Variants in AKR1C8 observed in about 807,000 individuals in gnomAD.
The protein encoded by AKR1C8 is aldo-keto reductase family 1 member C8.
the AKR1C8 span, among the ~76,000 whole-genome samples, chr10:5,177,107 T>G: frequency 3.9e-5 from 6 of 152,206 alleles, no homozygotes; most frequent in Non-Finnish European, 5.9e-5. Context: ...TGATATTAGC[T>G]GTGGGTTTGT....
chr10:5,160,443 C>T, the AKR1C8 span, among the ~76,000 whole-genome samples: 28 of 152,118 alleles, frequency 1.8e-4, no homozygotes, highest in African/African-American at 6.8e-4. Context: ...TGTCCTGCAC[C>T]TTCCACCCTC....
chr10:5,117,959 T>A, the AKR1C8 span, among the ~76,000 whole-genome samples: 1 of 152,238 alleles, frequency 6.6e-6, no homozygotes, highest in East Asian at 1.9e-4. Flanking sequence ...GAGGGTCAAA[T>A]ATGCCAACCA....
the AKR1C8 span, among the ~76,000 whole-genome samples, chr10:5,140,181 G>A: frequency 7.2e-5 from 11 of 152,076 alleles, no homozygotes; most frequent in Admixed American, 2.0e-4. Context: ...AAATAGGAAT[G>A]TTTTTACACT....
chr10:5,165,047 G>T, the AKR1C8 span, among the ~76,000 whole-genome samples: 1 of 152,216 alleles, frequency 6.6e-6, no homozygotes, highest in East Asian at 1.9e-4. Flanking sequence ...CTGATTTTGT[G>T]ATTCCCTAGA....
At chr10:5,161,273 T>G in the AKR1C8 span, among the ~76,000 whole-genome samples, 3 of 152,182 alleles carry the variant, frequency 2.0e-5, no homozygotes, top group Non-Finnish European at 2.9e-5. Flanking sequence ...GTGCTTAATA[T>G]AGCTATTCAT....
chr10:5,175,897 G>A, the AKR1C8 span, among the ~76,000 whole-genome samples: 2 of 152,026 alleles, frequency 1.3e-5, no homozygotes, highest in African/African-American at 4.8e-5. Context: ...AGATGAGTAG[G>A]TTGCGAAAAT....
At chr10:5,136,300 C>A in the AKR1C8 span, among the ~76,000 whole-genome samples, 2 of 152,176 alleles carry the variant, frequency 1.3e-5, no homozygotes, top group South Asian at 2.1e-4. Flanking sequence ...GTAATCCCAG[C>A]ACTTTGGGAG....
chr10:5,163,087 T>C, the AKR1C8 span: 1 of 460,340 alleles, frequency 2.2e-6, no homozygotes, highest in South Asian at 1.7e-5. Flanking sequence ...TTTCCCCCAA[T>C]AGCATTTTCA....
chr10:5,183,128 TAACC>T, the AKR1C8 span, among the ~76,000 whole-genome samples: 4 of 152,182 alleles, frequency 2.6e-5, no homozygotes, highest in African/African-American at 9.7e-5. Context: ...CATTTTAGAC[TAACC>T]CTACTTATTC....
the AKR1C8 span, among the ~76,000 whole-genome samples, chr10:5,119,517 CATT>C: frequency 6.6e-6 from 1 of 152,146 alleles, no homozygotes; most frequent in Non-Finnish European, 1.5e-5. Flanking sequence ...ATGAATTACA[CATT>C]ATTTTTGTTC....
the AKR1C8 span, among the ~76,000 whole-genome samples, chr10:5,173,458 G>T: frequency 6.6e-6 from 1 of 151,922 alleles, no homozygotes; most frequent in Admixed American, 6.6e-5. Flanking sequence ...GAACCAAAGG[G>T]GGCAGAGGCT....
chr10:5,170,829 T>C, the AKR1C8 span, among the ~76,000 whole-genome samples: 23 of 152,166 alleles, frequency 1.5e-4, no homozygotes, highest in Admixed American at 1.2e-3. Flanking sequence ...CAGATTCTTA[T>C]TGCACTTATG....
At chr10:5,140,347 CAT>C in the AKR1C8 span, among the ~76,000 whole-genome samples, 2 of 152,094 alleles carry the variant, frequency 1.3e-5, no homozygotes, top group Non-Finnish European at 2.9e-5. Context: ...CACATGCACA[CAT>C]ATGTTTACTG....
the AKR1C8 span, among the ~76,000 whole-genome samples, chr10:5,120,381 A>T: frequency 6.6e-6 from 1 of 150,622 alleles, no homozygotes; most frequent in Non-Finnish European, 1.5e-5. Flanking sequence ...GCCACTGGTT[A>T]GGGTCTCCAC....
At chr10:5,182,754 C>T in the AKR1C8 span, among the ~76,000 whole-genome samples, 1 of 151,760 alleles carries the variant, frequency 6.6e-6, no homozygotes, top group South Asian at 2.1e-4. Context: ...TACGAAAATA[C>T]AAAAAATAAG....
the AKR1C8 span, among the ~76,000 whole-genome samples, chr10:5,166,390 C>T: frequency 6.6e-6 from 1 of 152,172 alleles, no homozygotes; most frequent in East Asian, 1.9e-4. Flanking sequence ...TCAAACTATA[C>T]TACAAGGCTA....
At chr10:5,141,780 T>C in the AKR1C8 span, among the ~76,000 whole-genome samples, 1 of 152,168 alleles carries the variant, frequency 6.6e-6, no homozygotes, top group Non-Finnish European at 1.5e-5. Context: ...AGACTTGAAA[T>C]ATTCAGTAAC....
At chr10:5,153,622 G>A in the AKR1C8 span, among the ~76,000 whole-genome samples, 4 of 152,288 alleles carry the variant, frequency 2.6e-5, no homozygotes, top group East Asian at 5.8e-4. Flanking sequence ...GGAAGGCAAG[G>A]GGGAGCAGAC....
the AKR1C8 span, among the ~76,000 whole-genome samples, chr10:5,153,878 A>G: frequency 6.6e-6 from 1 of 152,318 alleles, no homozygotes; most frequent in East Asian, 1.9e-4. Context: ...ATGAAGGAAA[A>G]TGCATCAAAT....
Sources: gnomAD v4.1 joint callset for allele counts (sites outside exome capture counted in the v4.1 genomes callset) on GRCh38, gnomAD v4.1.1 for gene constraint, MANE v1.5 for transcripts, NCBI Gene and HGNC (gene_info 2026-07-23, HGNC 2026-07-21) for gene names.